Variants in PHACTR1 observed in about 807,000 individuals in gnomAD.
PHACTR1 encodes phosphatase and actin regulator 1.
A neutral mutation model predicts 69.2 loss-of-function variants in PHACTR1; 16 were observed. That is an observed-to-expected ratio of 0.23 (90% CI 0.16 to 0.35). The LOEUF (loss-of-function observed/expected upper bound fraction) is 0.35, where lower values mean the gene tolerates loss of function less well. PHACTR1 is among the 10% of genes least tolerant of loss of function. PHACTR1 has a pLI of 1.00. For missense variants in PHACTR1, 510 were observed against 734.7 expected (o/e 0.69, Z 3.54); for synonymous variants, 312 against 284.5 (o/e 1.10, Z -0.97).
chr6:12,997,056 T>G lies in PHACTR1; in HGVS notation c.251-56309T>G, dbSNP rs573336179. Among the ~76,000 whole-genome samples the G allele has an allele frequency of 5.0e-4, 76 of 151,878 alleles. No individual in the cohort carries two copies. In the South Asian group the frequency reaches 6.3e-3, roughly 12 times the overall value. ...GGCGCATGCCTGTAATCCCAGCTAC[T>G]CGGGAGGCTGAGGCAGGAGAATCGC... On this transcript the variant is annotated intron_variant, in intron 4 of 14. Coordinates refer to ENST00000332995, the MANE Select transcript of PHACTR1 (RefSeq NM_030948.6).
At chr6:13,273,786 CCT>C (rs914461048) in intron 11 of PHACTR1, 21 of 152,366 alleles carry the variant, frequency 1.4e-4, no homozygotes, top group African/African-American at 4.8e-4. Context: ...AATTCATGAC[CCT>C]GTTCCCCCTA....
chr6:13,094,441 C>A (rs569483667), intron 5 of PHACTR1, among the ~76,000 whole-genome samples: 27 of 151,942 alleles, frequency 1.8e-4, no homozygotes, highest in Non-Finnish European at 4.0e-4. Flanking sequence ...ATTACAGGTG[C>A]CTGCCACCAT....
intron 4 of PHACTR1, among the ~76,000 whole-genome samples, chr6:12,934,993 C>T (rs940094825): frequency 6.6e-6 from 1 of 152,204 alleles, no homozygotes; most frequent in African/African-American, 2.4e-5. Context: ...GTACCATCAA[C>T]TCTCTGTGCC....
intron 4 of PHACTR1, among the ~76,000 whole-genome samples, chr6:12,938,801 C>G: frequency 6.6e-6 from 1 of 152,116 alleles, no homozygotes; most frequent in East Asian, 1.9e-4. Context: ...AAACGGAACA[C>G]TAAAGGATGA....
intron 4 of PHACTR1, among the ~76,000 whole-genome samples, chr6:12,982,348 G>A (rs1228509315): frequency 6.6e-6 from 1 of 152,158 alleles, no homozygotes; most frequent in Non-Finnish European, 1.5e-5. Context: ...AGACATGAAT[G>A]ACTTTTCTAC....
chr6:13,004,136 A>G (rs535344550), intron 4 of PHACTR1, among the ~76,000 whole-genome samples: 14 of 151,562 alleles, frequency 9.2e-5, no homozygotes, highest in African/African-American at 3.4e-4. Context: ...GTATACACTC[A>G]GTAGTAGGAT....
chr6:12,909,796 T>TC (rs1321438848), intron 4 of PHACTR1, among the ~76,000 whole-genome samples: 2 of 152,114 alleles, frequency 1.3e-5, no homozygotes, highest in Non-Finnish European at 2.9e-5. Flanking sequence ...CCCTTGGACC[T>TC]CCCCCATGAA....
intron 4 of PHACTR1, among the ~76,000 whole-genome samples, chr6:12,846,049 T>A (rs538848999): frequency 2.0e-5 from 3 of 150,958 alleles, no homozygotes; most frequent in African/African-American, 4.9e-5. Context: ...ATAACGATAC[T>A]GAAGCCATTT....
chr6:12,781,538 C>T lies in PHACTR1; in HGVS notation c.250+31748C>T, dbSNP rs144236392. On this transcript the variant is annotated intron_variant, in intron 4 of 14. Coordinates refer to ENST00000332995, the MANE Select transcript of PHACTR1 (RefSeq NM_030948.6). ...AGAATATTTTCATTAAGCATGTCCA[C>T]TGTTAGATAGGCTTTCCACTGGAAA... Among the ~76,000 whole-genome samples the T allele has an allele frequency of 4.1e-3, 625 of 152,328 alleles. 2 individuals carry two copies. The highest frequency in any genetic ancestry group is 0.017 in the Middle Eastern group (5 of 294).
At chr6:12,724,645 G>A (rs1045483553) in intron 3 of PHACTR1, among the ~76,000 whole-genome samples, 2 of 152,114 alleles carry the variant, frequency 1.3e-5, no homozygotes, top group Non-Finnish European at 2.9e-5. Context: ...AATCAACCCC[G>A]CAGATCAGCA....
intron 4 of PHACTR1, among the ~76,000 whole-genome samples, chr6:12,854,470 G>A (rs1171453383): frequency 2.0e-5 from 3 of 152,132 alleles, no homozygotes; most frequent in Non-Finnish European, 1.5e-5. Context: ...ATGCTTTGTT[G>A]TGTACCTAAG....
chr6:12,965,949 A>G (rs909392895), intron 4 of PHACTR1, among the ~76,000 whole-genome samples: 8 of 152,206 alleles, frequency 5.3e-5, no homozygotes, highest in African/African-American at 1.9e-4. Flanking sequence ...AATGTCATAA[A>G]TGGCACACAT....
At chr6:12,974,547 CT>C (rs1414414929) in intron 4 of PHACTR1, among the ~76,000 whole-genome samples, 1 of 152,162 alleles carries the variant, frequency 6.6e-6, no homozygotes, top group African/African-American at 2.4e-5. Flanking sequence ...CTCATGTGAC[CT>C]TGAGATCAGT....
At position 12,829,963 on chromosome 6, in the gene PHACTR1, A is replaced by AG. The variant is rs1491231360; in HGVS notation, c.250+80173_250+80174insG. ...ACAGAGCAAGACTCCGTCAAGAAAGAAAGAGAGAGAGAGAGAGAGAGAGAG... is the reference window on the plus strand; with the variant it reads ...ACAGAGCAAGACTCCGTCAAGAAAGAGAAGAGAGAGAGAGAGAGAGAGAGAG... On this transcript the variant is annotated intron_variant, in intron 4 of 14. Coordinates refer to ENST00000332995, the MANE Select transcript of PHACTR1 (RefSeq NM_030948.6). Among the ~76,000 whole-genome samples the AG allele has an allele frequency of 4.1e-3, 454 of 111,158 alleles. 8 individuals are homozygous for AG. The South Asian group carries it at 0.042, about 10-fold the overall frequency. 72.9% of individuals were successfully genotyped at this position (111,158 alleles called of 152,430 possible).
intron 5 of PHACTR1, among the ~76,000 whole-genome samples, chr6:13,055,125 T>C (rs1806573019): frequency 6.6e-6 from 1 of 152,202 alleles, no homozygotes; most frequent in South Asian, 2.1e-4. Flanking sequence ...ATGATAGCCA[T>C]GTTTTCTGAC....
intron 6 of PHACTR1, among the ~76,000 whole-genome samples, chr6:13,180,874 T>C (rs894367559): frequency 5.9e-5 from 9 of 152,234 alleles, no homozygotes; most frequent in Admixed American, 1.3e-4. Flanking sequence ...TGATTTCCAT[T>C]GCATGGGCTT....
chr6:12,884,977 C>A (rs577931341), intron 4 of PHACTR1, among the ~76,000 whole-genome samples: 1 of 152,320 alleles, frequency 6.6e-6, no homozygotes, highest in Admixed American at 6.5e-5. Context: ...TAGCAATCTG[C>A]TAAATTATTG....
Position 12,825,148 on chromosome 6 carries a change from T to A in PHACTR1, c.250+75358T>A, listed in dbSNP as rs561536019. ...ACACACAGACACACACACACACATT[T>A]AATTTAATTTAAAAGTTAGCTGAGT... is the stretch of plus-strand genomic sequence containing the variant. On this transcript the variant is annotated intron_variant, in intron 4 of 14. Coordinates refer to ENST00000332995, the MANE Select transcript of PHACTR1 (RefSeq NM_030948.6). 2.6e-5 allele frequency among the ~76,000 whole-genome samples: 4 copies of A among 151,962 alleles called. No homozygotes were observed. The East Asian group carries it at 7.8e-4, about 29-fold the overall frequency.
intron 5 of PHACTR1, among the ~76,000 whole-genome samples, chr6:13,078,432 C>G (rs951776846): frequency 2.0e-5 from 3 of 152,188 alleles, no homozygotes; most frequent in African/African-American, 7.2e-5. Flanking sequence ...AACCCTGTTC[C>G]AAATAAGGCT....
Sources: allele counts gnomAD v4.1 joint callset (sites outside exome capture counted in the v4.1 genomes callset), GRCh38; gene constraint gnomAD v4.1.1; transcripts MANE v1.5; gene names NCBI Gene and HGNC (gene_info 2026-07-23, HGNC 2026-07-21).